Variants in CMKLR1 observed in about 807,000 individuals in gnomAD.
CMKLR1 encodes the protein chemerin-like receptor 1.
CMKLR1 carries 6 observed loss-of-function variants against 8.2 expected under a neutral mutation model. The observed-to-expected ratio is 0.73, with a 90% CI of 0.40 to 1.44. The LOEUF (loss-of-function observed/expected upper bound fraction) is 1.44. CMKLR1 is among the 40% of genes most tolerant of loss of function. CMKLR1 has a pLI of 0.02. For synonymous variants in CMKLR1, 178 were observed against 181.2 expected, an observed-to-expected ratio of 0.98 and a Z score of 0.14; for missense variants, 429 against 478.0, an observed-to-expected ratio of 0.90 and a Z score of 0.96.
chr12:108,325,793 A>G (rs958562125), intron 2 of CMKLR1, among the ~76,000 whole-genome samples: 1 of 152,162 alleles, frequency 6.6e-6, no homozygotes, highest in African/African-American at 2.4e-5. Flanking sequence ...TACCCACACC[A>G]GCGCAGCCAC....
chr12:108,310,808 G>A (rs1891539059), intron 2 of CMKLR1, among the ~76,000 whole-genome samples: 1 of 152,136 alleles, frequency 6.6e-6, no homozygotes, highest in Admixed American at 6.5e-5. Flanking sequence ...CCCATCCCCG[G>A]GCCTCATGGA....
At position 108,289,703 on chromosome 12, in the gene CMKLR1, G is replaced by A. The variant is rs1294588361; in HGVS notation, c.*2138C>T. On this transcript the variant is annotated 3_prime_UTR_variant, in exon 4 of 4. Coordinates refer to ENST00000550402, the MANE Select transcript of CMKLR1 (RefSeq NM_001142343.2). ...TGGGGGCCACTGAGCAATATTTAAA[G>A]CTCCCTTTTTGCTCTCAAACCGTCT... 1 of 152,204 alleles carries A rather than the reference G, an allele frequency of 6.6e-6. No homozygotes were observed. The highest frequency in any genetic ancestry group is 1.5e-5 in the Non-Finnish European group (1 of 68,054). The allele number at this position is 152,204 out of a possible 1,614,324, so 9.4% of individuals were successfully genotyped here. A position where few individuals can be genotyped will look rare whatever the true frequency, so the allele number is the denominator to read the frequency against.
chr12:108,293,716 AC>A, intron 2 of CMKLR1, 52 bp from the exon 3 acceptor site: 2 of 1,076,690 alleles, frequency 1.9e-6, no homozygotes, highest in Non-Finnish European at 2.7e-6. Flanking sequence ...AGGTCTAAGA[AC>A]CAGAGGGTTG....
At chr12:108,315,167 C>T (rs1453651260) in intron 2 of CMKLR1, among the ~76,000 whole-genome samples, 5 of 151,984 alleles carry the variant, frequency 3.3e-5, no homozygotes, top group African/African-American at 1.2e-4. Context: ...AGGTGATCCA[C>T]CTGCCTCGGC....
At chr12:108,303,743 G>A (rs79275442) in intron 2 of CMKLR1, among the ~76,000 whole-genome samples, 5,600 of 152,222 alleles carry the variant, frequency 0.037, 232 homozygotes, top group African/African-American at 0.095. Context: ...TTTTACAGAC[G>A]GAGCAAGGCA....
chr12:108,339,074 A>G lies in CMKLR1; in HGVS notation c.-334T>C, dbSNP rs1159135545. 1 of 152,090 alleles carries G rather than the reference A, an allele frequency of 6.6e-6. No individual in the cohort carries two copies. 9.4% of individuals were successfully genotyped at this position (152,090 alleles called of 1,614,324 possible). ...AAGGTCTTCCTGAGGGTTCCCTGTG[A>G]CTGCAGGCCACTCGAGGCTGTTGGG... On this transcript the variant is annotated 5_prime_UTR_variant, in exon 1 of 4. Coordinates refer to ENST00000550402, the MANE Select transcript of CMKLR1 (RefSeq NM_001142343.2).
chr12:108,334,923 T>C (rs755374236), intron 1 of CMKLR1, among the ~76,000 whole-genome samples: 2 of 152,208 alleles, frequency 1.3e-5, no homozygotes, highest in African/African-American at 4.8e-5. Flanking sequence ...CCATTATTCT[T>C]ATTTCCTTTT....
At chr12:108,301,014 A>G (rs978310203) in intron 2 of CMKLR1, among the ~76,000 whole-genome samples, 1 of 151,446 alleles carries the variant, frequency 6.6e-6, no homozygotes, top group Non-Finnish European at 1.5e-5. Context: ...CAGAAAGTCA[A>G]TGTTGCTATT....
intron 3 of CMKLR1, among the ~76,000 whole-genome samples, chr12:108,293,334 T>G (rs943421507): frequency 2.0e-5 from 3 of 152,162 alleles, no homozygotes. Flanking sequence ...TTGACAACCA[T>G]GTTTTCTGTC....
chr12:108,307,119 C>A (rs1891429744), intron 2 of CMKLR1, among the ~76,000 whole-genome samples: 1 of 152,198 alleles, frequency 6.6e-6, no homozygotes, highest in Non-Finnish European at 1.5e-5. Flanking sequence ...TTTAGTTAAT[C>A]CCCTGACGTC....
intron 2 of CMKLR1, among the ~76,000 whole-genome samples, chr12:108,323,662 G>A (rs1363817650): frequency 6.6e-6 from 1 of 152,236 alleles, no homozygotes; most frequent in Non-Finnish European, 1.5e-5. Context: ...ATGACACTGA[G>A]CTGGAAGTTG....
At chr12:108,325,899 T>C (rs1329572056) in intron 2 of CMKLR1, among the ~76,000 whole-genome samples, 1 of 151,780 alleles carries the variant, frequency 6.6e-6, no homozygotes, top group Non-Finnish European at 1.5e-5. Context: ...CTGCAGAAAG[T>C]GCAAGGACCC....
At chr12:108,298,797 C>A (rs1056086417) in intron 2 of CMKLR1, among the ~76,000 whole-genome samples, 6 of 152,242 alleles carry the variant, frequency 3.9e-5, no homozygotes, top group African/African-American at 1.4e-4. Context: ...TGCCTGAGAC[C>A]CTGAACTCAC....
At position 108,294,190 on chromosome 12, in the gene CMKLR1, T is replaced by C. The variant is rs183025556; in HGVS notation, c.-73-526A>G. On this transcript the variant is annotated intron_variant, in intron 2 of 3. Transcript: ENST00000550402. ...GTGTTATTCCTTTTGTGTTAAGAAA[T>C]AGAGAGACTGAGGCTCAGAGAAAGA... Among the ~76,000 whole-genome samples, 391 of 152,308 alleles carry C rather than the reference T, an allele frequency of 2.6e-3. 3 individuals are homozygous for C. Among genetic ancestry groups the C allele is most frequent in the Non-Finnish European group, 3.0e-3 (206 of 68,026 alleles).
chr12:108,326,998 TGAGA>T (rs138633888), intron 2 of CMKLR1, among the ~76,000 whole-genome samples: 1 of 148,628 alleles, frequency 6.7e-6, no homozygotes, highest in Non-Finnish European at 1.5e-5. Flanking sequence ...AAACTGAGGC[TGAGA>T]GAGAGAGAGA....
At chr12:108,337,928 C>T (rs1412253387) in intron 1 of CMKLR1, among the ~76,000 whole-genome samples, 1 of 152,124 alleles carries the variant, frequency 6.6e-6, no homozygotes, top group African/African-American at 2.4e-5. Flanking sequence ...GGAGATACAG[C>T]AAGAACCACA....
chr12:108,321,415 G>C (rs768599944), intron 2 of CMKLR1, among the ~76,000 whole-genome samples: 13 of 152,190 alleles, frequency 8.5e-5, no homozygotes, highest in African/African-American at 2.9e-4. Context: ...CTGGGTGACA[G>C]AGTGAGACCC....
intron 2 of CMKLR1, among the ~76,000 whole-genome samples, chr12:108,300,724 T>C (rs1891245455): frequency 6.6e-6 from 1 of 152,186 alleles, no homozygotes; most frequent in Admixed American, 6.5e-5. Flanking sequence ...GCAATGGGGA[T>C]AATCCAAGGA....
At chr12:108,312,075 C>T (rs551161759) in intron 2 of CMKLR1, among the ~76,000 whole-genome samples, 3 of 152,190 alleles carry the variant, frequency 2.0e-5, no homozygotes, top group South Asian at 4.1e-4. Flanking sequence ...CATCCTGTTA[C>T]GTGCCAGGCA....
Sources: gnomAD v4.1 joint callset for allele counts (sites outside exome capture counted in the v4.1 genomes callset) on GRCh38, gnomAD v4.1.1 for gene constraint, MANE v1.5 for transcripts, NCBI Gene and HGNC (gene_info 2026-07-23, HGNC 2026-07-21) for gene names.